Variants in PKIG observed in about 807,000 individuals in gnomAD.
The protein encoded by PKIG is protein kinase (cAMP-dependent, catalytic) inhibitor gamma.
A neutral mutation model predicts 6.8 loss-of-function variants in PKIG; 1 was observed. The observed-to-expected ratio is 0.15, with a 90% confidence interval of 0.05 to 0.69. The LOEUF (loss-of-function observed/expected upper bound fraction) is 0.69. Among genes scored for constraint, PKIG ranks in the 30% least tolerant of loss-of-function variants. The probability of loss-of-function intolerance (pLI) is 0.82; values close to 1 mark genes in which losing one functional copy is unlikely to be tolerated. For synonymous variants in PKIG, 39 were observed against 43.0 expected (o/e 0.91, Z 0.36); for missense variants, 77 against 104.0 (o/e 0.74, Z 1.13).
chr20:44,543,738 G>A (rs1239321855), intron 1 of PKIG, among the ~76,000 whole-genome samples: 2 of 151,944 alleles, frequency 1.3e-5, no homozygotes, highest in African/African-American at 4.8e-5. Flanking sequence ...ATTTATGTAT[G>A]GCACCCACCT....
intron 2 of PKIG, among the ~76,000 whole-genome samples, chr20:44,603,439 C>T (rs117160832): frequency 0.017 from 2,576 of 152,200 alleles, 37 homozygotes; most frequent in Non-Finnish European, 0.028. Context: ...GAGTTGTGCA[C>T]GGCCCACAGC....
At chr20:44,578,607 A>G (rs903387907), upstream of PKIG, among the ~76,000 whole-genome samples, 1 of 151,990 alleles carries the variant, frequency 6.6e-6, no homozygotes, top group Non-Finnish European at 1.5e-5. Flanking sequence ...CTTTCCCTCT[A>G]CCATGTCTAA....
At chr20:44,540,542 A>G (rs1351243330) in intron 1 of PKIG, among the ~76,000 whole-genome samples, 3 of 151,872 alleles carry the variant, frequency 2.0e-5, no homozygotes, top group Non-Finnish European at 4.4e-5. Context: ...GGGTTTTCAC[A>G]TGTACTGATG....
intron 1 of PKIG, among the ~76,000 whole-genome samples, chr20:44,551,907 T>C (rs1234262846): frequency 4.6e-5 from 7 of 152,254 alleles, no homozygotes; most frequent in Admixed American, 6.5e-5. Flanking sequence ...ACCACCACTT[T>C]GTTCCACAAA....
intron 2 of PKIG, among the ~76,000 whole-genome samples, chr20:44,607,270 A>T (rs1466468689): frequency 6.6e-6 from 1 of 151,536 alleles, no homozygotes; most frequent in East Asian, 1.9e-4. Flanking sequence ...TGTTGATGTA[A>T]TCAGTGCTGC....
At chr20:44,535,451 G>A (rs974398216) in intron 1 of PKIG, among the ~76,000 whole-genome samples, 1 of 152,212 alleles carries the variant, frequency 6.6e-6, no homozygotes, top group East Asian at 1.9e-4. Context: ...GACTAGCCTG[G>A]TCAACATGGT....
chr20:44,538,091 C>T (rs2064529116), intron 1 of PKIG, among the ~76,000 whole-genome samples: 1 of 152,152 alleles, frequency 6.6e-6, no homozygotes, highest in Non-Finnish European at 1.5e-5. Context: ...TTAAGGAACT[C>T]TTACAAAATG....
intron 1 of PKIG, among the ~76,000 whole-genome samples, chr20:44,533,489 A>G (rs187464927): frequency 6.6e-6 from 1 of 152,348 alleles, no homozygotes; most frequent in East Asian, 1.9e-4. Flanking sequence ...AAGGGGGCGC[A>G]TGTTAAGATC....
At chr20:44,573,573 C>T (rs529100474) in intron 1 of PKIG, among the ~76,000 whole-genome samples, 1 of 152,318 alleles carries the variant, frequency 6.6e-6, no homozygotes, top group South Asian at 2.1e-4. Flanking sequence ...CTATACCGAA[C>T]AAATGGAATG....
chr20:44,602,954 C>T (rs1375465553), intron 2 of PKIG, among the ~76,000 whole-genome samples: 1 of 152,110 alleles, frequency 6.6e-6, no homozygotes, highest in African/African-American at 2.4e-5. Context: ...CACCCTATTG[C>T]GCGGGTATTG....
chr20:44,566,740 G>A (rs2064814218), intron 1 of PKIG, among the ~76,000 whole-genome samples: 1 of 152,172 alleles, frequency 6.6e-6, no homozygotes, highest in African/African-American at 2.4e-5. Context: ...CAGCTACTCG[G>A]GAGGCTTTGG....
chr20:44,597,171 C>T (rs986123877), intron 2 of PKIG, among the ~76,000 whole-genome samples: 10 of 152,102 alleles, frequency 6.6e-5, no homozygotes, highest in Non-Finnish European at 1.3e-4. Context: ...CACCCTCAGT[C>T]GCTCCACCCA....
At chr20:44,552,418 C>T (rs572617337) in intron 1 of PKIG, among the ~76,000 whole-genome samples, 20 of 152,272 alleles carry the variant, frequency 1.3e-4, no homozygotes, top group Admixed American at 3.3e-4. Flanking sequence ...AGAGATGAAG[C>T]TCTCCTACAT....
At chr20:44,540,081 C>T (rs1018502912) in intron 1 of PKIG, among the ~76,000 whole-genome samples, 28 of 152,156 alleles carry the variant, frequency 1.8e-4, no homozygotes, top group Admixed American at 1.1e-3. Flanking sequence ...CTGCCTCAGC[C>T]TCCTGAGTAG....
chr20:44,551,244 C>CG (rs2064665988), intron 1 of PKIG, among the ~76,000 whole-genome samples: 1 of 152,042 alleles, frequency 6.6e-6, no homozygotes. Context: ...TTAGTAGAGA[C>CG]GGGGTTTCAC....
chr20:44,585,826 C>T lies in PKIG; in HGVS notation c.-94+3095C>T, dbSNP rs563488827. Among the ~76,000 whole-genome samples the T allele has an allele frequency of 3.9e-5, 6 of 152,366 alleles. No homozygotes were observed. In the South Asian group the frequency reaches 1.2e-3, roughly 32 times the overall value. ...GGCCCCTGGCCCCTGTGGGAATTTG[C>T]AGCCCTGCATCTGGTTGGTGTCTAC... On this transcript the variant is annotated intron_variant, in intron 1 of 3. Transcript: ENST00000372886.
intron 1 of PKIG, among the ~76,000 whole-genome samples, chr20:44,555,113 A>C (rs1269964892): frequency 6.6e-6 from 1 of 152,168 alleles, no homozygotes; most frequent in Admixed American, 6.5e-5. Context: ...TGATGTTGTC[A>C]TTATTATTTT....
chr20:44,603,862 A>C (rs2065142670), intron 2 of PKIG, among the ~76,000 whole-genome samples: 1 of 152,242 alleles, frequency 6.6e-6, no homozygotes, highest in Non-Finnish European at 1.5e-5. Context: ...GTTAGGGCAT[A>C]TTAGTAATCA....
chr20:44,550,400 T>C (rs1347254645), intron 1 of PKIG, among the ~76,000 whole-genome samples: 1 of 151,498 alleles, frequency 6.6e-6, no homozygotes, highest in Non-Finnish European at 1.5e-5. Flanking sequence ...TTTTACATTA[T>C]TAACTGAAAA....
Sources: gnomAD v4.1 joint callset for allele counts (sites outside exome capture counted in the v4.1 genomes callset) on GRCh38, gnomAD v4.1.1 for gene constraint, MANE v1.5 for transcripts, NCBI Gene and HGNC (gene_info 2026-07-23, HGNC 2026-07-21) for gene names.